The following TSHZ2 variants were observed in gnomAD, a reference collection of about 807,000 sequenced individuals.
TSHZ2 encodes teashirt homolog 2.
Under a neutral mutation model 74.4 loss-of-function variants are expected in TSHZ2, and 21 were observed. That is an observed-to-expected ratio of 0.28 (90% CI 0.20 to 0.41). TSHZ2 has a LOEUF of 0.41. Ranked by LOEUF, TSHZ2 falls within the 10% of genes least tolerant of loss-of-function variation. TSHZ2 has a pLI of 1.00. For missense variants in TSHZ2, 1,244 were observed against 1,293.5 expected, an observed-to-expected ratio of 0.96 and a Z score of 0.59; for synonymous variants, 540 against 515.3, an observed-to-expected ratio of 1.05 and a Z score of -0.65.
chr20:53,285,153 C>T (rs1477502579), intron 2 of TSHZ2, among the ~76,000 whole-genome samples: 19 of 152,084 alleles, frequency 1.2e-4, no homozygotes. Flanking sequence ...GGAAAATGTG[C>T]AAGCCCCCAC....
Position 53,036,902 on chromosome 20 carries a change from T to G in TSHZ2, c.40+63569T>G, listed in dbSNP as rs559429422. On this transcript the variant is annotated intron_variant, in intron 1 of 2. Coordinates refer to ENST00000371497, the MANE Select transcript of TSHZ2 (RefSeq NM_173485.6). ...ATCATATTGCTTATATTTGCTGTAA[T>G]TTTGCTTTTTTACTTAGTTTCATGA... Among the ~76,000 whole-genome samples, 16 of 151,762 alleles carry G rather than the reference T, an allele frequency of 1.1e-4. No individual in the cohort carries two copies. The South Asian group carries it at 3.3e-3, about 31-fold the overall frequency.
intron 1 of TSHZ2, among the ~76,000 whole-genome samples, chr20:53,042,701 G>GAAAAAA (rs5841925): frequency 7.8e-6 from 1 of 128,514 alleles, no homozygotes. Context: ...AAGTAGAGAA[G>GAAAAAA]AAAAAAAAAA....
At chr20:53,197,258 G>A (rs8117016) in intron 1 of TSHZ2, among the ~76,000 whole-genome samples, 4,830 of 152,284 alleles carry the variant, frequency 0.032, 244 homozygotes, top group African/African-American at 0.1. Context: ...TGGCTAAACA[G>A]TGTTGACAGA....
intron 1 of TSHZ2, among the ~76,000 whole-genome samples, chr20:53,025,147 A>G (rs1164769407): frequency 6.7e-6 from 1 of 149,058 alleles, no homozygotes; most frequent in East Asian, 2.0e-4. Context: ...ATTAAAGACT[A>G]TATATTATTA....
At position 53,439,681 on chromosome 20, in the gene TSHZ2, C is replaced by A. The variant is rs552895636; in HGVS notation, c.*9-47463C>A. Among the ~76,000 whole-genome samples, 3 of 152,210 alleles carry A rather than the reference C, an allele frequency of 2.0e-5. No homozygotes were observed. In the South Asian group the frequency reaches 6.2e-4, roughly 32 times the overall value. On this transcript the variant is annotated intron_variant, in intron 2 of 2. Coordinates refer to ENST00000371497, the MANE Select transcript of TSHZ2 (RefSeq NM_173485.6). ...AATTATACGTGCAAGATCCTCTATT[C>A]CCAAAGATATGAGTTGGAAGCGCTG... is the stretch of plus-strand genomic sequence containing the variant.
chr20:53,183,777 T>C (rs1988536229), intron 1 of TSHZ2, among the ~76,000 whole-genome samples: 1 of 152,200 alleles, frequency 6.6e-6, no homozygotes, highest in Admixed American at 6.5e-5. Context: ...CAAAGTATTG[T>C]CTTTTTAAGT....
intron 2 of TSHZ2, among the ~76,000 whole-genome samples, chr20:53,365,236 G>A (rs1322779404): frequency 6.6e-6 from 1 of 152,186 alleles, no homozygotes. Context: ...TGATTGGCCT[G>A]TTTTCTGGTG....
At chr20:53,015,812 G>A (rs1055515549) in intron 1 of TSHZ2, among the ~76,000 whole-genome samples, 3 of 152,144 alleles carry the variant, frequency 2.0e-5, no homozygotes, top group Admixed American at 1.3e-4. Context: ...GTGAGAAGTG[G>A]GGGAAAGGGG....
chr20:53,469,841 G>A (rs570718568), intron 2 of TSHZ2, among the ~76,000 whole-genome samples: 1 of 104,786 alleles, frequency 9.5e-6, no homozygotes, highest in South Asian at 3.3e-4. Context: ...AGGGAGGAAG[G>A]GAGGGAGGGA....
intron 1 of TSHZ2, among the ~76,000 whole-genome samples, chr20:53,017,526 T>C (rs914024638): frequency 2.7e-5 from 4 of 149,476 alleles, no homozygotes; most frequent in African/African-American, 7.5e-5. Context: ...ATAGATGTTA[T>C]TGCTTAAGTT....
At chr20:53,322,578 A>G (rs1310272116) in intron 2 of TSHZ2, among the ~76,000 whole-genome samples, 1 of 151,604 alleles carries the variant, frequency 6.6e-6, no homozygotes, top group Admixed American at 6.6e-5. Flanking sequence ...CCCCATGATC[A>G]TTTCTGGGTG....
intron 2 of TSHZ2, among the ~76,000 whole-genome samples, chr20:53,345,678 C>A (rs1223231601): frequency 6.6e-6 from 1 of 151,254 alleles, no homozygotes; most frequent in Admixed American, 6.6e-5. Context: ...CCTGCCCGCC[C>A]CCCCATTCTG....
intron 2 of TSHZ2, among the ~76,000 whole-genome samples, chr20:53,456,260 G>C (rs1415842925): frequency 2.7e-5 from 4 of 150,798 alleles, no homozygotes; most frequent in Non-Finnish European, 4.5e-5. Context: ...ATTCTAACTG[G>C]TGTGAAATGG....
chr20:53,012,994 A>G (rs1982909454), intron 1 of TSHZ2, among the ~76,000 whole-genome samples: 1 of 152,218 alleles, frequency 6.6e-6, no homozygotes, highest in South Asian at 2.1e-4. Flanking sequence ...GTTGATAACT[A>G]TCCCTTTATG....
chr20:53,255,040 A>G lies in TSHZ2; in HGVS notation c.1582A>G (p.Ile528Val). Residue 528 changes from isoleucine to valine, a missense_variant, in exon 2 of 3, where the codon ATC (isoleucine) becomes GTC (valine). Coordinates refer to ENST00000371497, the MANE Select transcript of TSHZ2 (RefSeq NM_173485.6). This position sits in a 1 kb window ranked among gnomAD's most constrained non-coding sequence, Gnocchi z 4.1. Reference sequence around the variant, plus strand: ...TTTGGAAAATACTGTCACCACAGCCATCAACAAAGCCCAAAACGGGGCCCC... The same window carrying G: ...TTTGGAAAATACTGTCACCACAGCCGTCAACAAAGCCCAAAACGGGGCCCC... ...KSLENTVTTA[I>V]NKAQNGAPSW... 6.2e-7 allele frequency: 1 copy of G among 1,614,192 alleles called. No homozygotes were observed. The highest frequency in any genetic ancestry group is 8.5e-7 in the Non-Finnish European group (1 of 1,180,046).
intron 1 of TSHZ2, among the ~76,000 whole-genome samples, chr20:53,125,925 A>C (rs1385004186): frequency 1.3e-5 from 2 of 152,242 alleles, no homozygotes; most frequent in Admixed American, 6.5e-5. Context: ...ATTGGTGCTA[A>C]AGTCACAAGT....
intron 2 of TSHZ2, among the ~76,000 whole-genome samples, chr20:53,298,680 G>A (rs1183163922): frequency 6.6e-6 from 1 of 152,206 alleles, no homozygotes; most frequent in African/African-American, 2.4e-5. Flanking sequence ...AGTCACTGGA[G>A]GCGGGTAAAC....
At chr20:53,234,932 T>C (rs1989905782) in intron 1 of TSHZ2, among the ~76,000 whole-genome samples, 1 of 152,030 alleles carries the variant, frequency 6.6e-6, no homozygotes, top group Non-Finnish European at 1.5e-5. Context: ...TTCTGACTGC[T>C]AGGAGTGTTA....
At chr20:53,478,826 C>G (rs917013919) in intron 2 of TSHZ2, among the ~76,000 whole-genome samples, 2 of 151,808 alleles carry the variant, frequency 1.3e-5, no homozygotes, top group Non-Finnish European at 2.9e-5. Context: ...ATTTCTAGAT[C>G]GGGTGGCCAG....
Sources: gnomAD v4.1 joint callset for allele counts (sites outside exome capture counted in the v4.1 genomes callset) on GRCh38, gnomAD v4.1.1 for gene constraint, Gnocchi (gnomAD v3.1) non-coding constraint, MANE v1.5 for transcripts, NCBI Gene and HGNC (gene_info 2026-07-23, HGNC 2026-07-21) for gene names.